Variants in TMEM223 observed in about 807,000 individuals in gnomAD.
TMEM223 encodes the protein transmembrane protein 223.
A neutral mutation model predicts 14.1 loss-of-function variants in TMEM223; 14 were observed. That is an observed-to-expected ratio of 0.99 (90% confidence interval 0.66 to 1.55). The LOEUF (loss-of-function observed/expected upper bound fraction) is 1.55. TMEM223 is among the 40% of genes most tolerant of loss of function. The pLI, the probability that TMEM223 is intolerant of heterozygous loss-of-function variation, is 0.00. For synonymous variants in TMEM223, 145 were observed against 120.5 expected, an observed-to-expected ratio of 1.20 and a Z score of -1.33; for missense variants, 346 against 269.9, an observed-to-expected ratio of 1.28 and a Z score of -1.97.
downstream of TMEM223, among the ~76,000 whole-genome samples, chr11:62,785,117 C>T (rs1220254147): frequency 4.0e-5 from 6 of 151,884 alleles, no homozygotes; most frequent in East Asian, 5.8e-4. Flanking sequence ...GGATTACAAG[C>T]GTGAGGCACT....
At chr11:62,776,373 C>A in intron 1 of TMEM223, 5 of 1,612,984 alleles carry the variant, frequency 3.1e-6, no homozygotes, top group South Asian at 1.1e-5. Context: ...CTTTTGTTCC[C>A]TCCCTCCCAG....
chr11:62,782,788 AT>A, downstream of TMEM223: 1 of 1,613,772 alleles, frequency 6.2e-7, no homozygotes, highest in Non-Finnish European at 8.5e-7. Context: ...TGCTGCCACT[AT>A]GGAGCCGTGG....
Position 62,790,137 on chromosome 11 carries a change from TTA to T in TMEM223, c.*484_*485del. The T allele has an allele frequency of 7.1e-7, 1 of 1,401,070 alleles. No individual in the cohort carries two copies. The highest frequency in any genetic ancestry group is 9.4e-7 in the Non-Finnish European group (1 of 1,061,976). 86.8% of individuals were successfully genotyped at this position (1,401,070 alleles called of 1,614,324 possible). ...CAAGGCCCTGTTTATGTTGGGAGTC[TTA>T]GTTTTCCTTTCGTTGGGGGGTGGGG... On this transcript the variant is annotated 3_prime_UTR_variant, in exon 2 of 2. Transcript: ENST00000307366.
At chr11:62,775,978 C>T (rs1389034700) in intron 1 of TMEM223, 1 of 1,562,582 alleles carries the variant, frequency 6.4e-7, no homozygotes, top group Non-Finnish European at 8.7e-7. Context: ...TTGTTTCTGC[C>T]TTTTTACTAA....
At chr11:62,787,132 G>A, downstream of TMEM223, 1 of 1,561,928 alleles carries the variant, frequency 6.4e-7, no homozygotes, top group Non-Finnish European at 8.6e-7. Flanking sequence ...CGGGCGGCAG[G>A]CTGGGAGGCG....
downstream of TMEM223, among the ~76,000 whole-genome samples, chr11:62,785,305 C>T (rs1011705005): frequency 5.9e-5 from 9 of 151,914 alleles, no homozygotes; most frequent in African/African-American, 2.2e-4. Flanking sequence ...GATTCTCCTG[C>T]TTCAGCCTCC....
At chr11:62,787,487 T>C (rs759592608), downstream of TMEM223, 4 of 1,579,532 alleles carry the variant, frequency 2.5e-6, no homozygotes, top group Non-Finnish European at 3.4e-6. Context: ...GCCGCCTTCC[T>C]GTGCGGGGCC....
At chr11:62,784,373 T>C (rs1407402585), downstream of TMEM223, among the ~76,000 whole-genome samples, 5 of 149,212 alleles carry the variant, frequency 3.4e-5, no homozygotes, top group Non-Finnish European at 7.4e-5. Context: ...GGCGCCATCT[T>C]GGCTAACTGC....
intron 1 of TMEM223, among the ~76,000 whole-genome samples, chr11:62,777,782 G>A (rs2084197779): frequency 6.6e-6 from 1 of 152,198 alleles, no homozygotes; most frequent in Non-Finnish European, 1.5e-5. Flanking sequence ...TCTTTCCCTT[G>A]ACCCAGGGAG....
At chr11:62,773,988 C>T (rs1316709971) in intron 2 of TMEM223, among the ~76,000 whole-genome samples, 1 of 152,022 alleles carries the variant, frequency 6.6e-6, no homozygotes, top group East Asian at 1.9e-4. Flanking sequence ...GAATACAGAA[C>T]ACAAGAAAGT....
intron 1 of TMEM223, chr11:62,781,641 C>T (rs529531539): frequency 5.7e-4 from 202 of 353,752 alleles, no homozygotes; most frequent in Middle Eastern, 9.5e-4. Flanking sequence ...TGCCACTGGG[C>T]GACAGAGCGA....
chr11:62,782,043 A>C (rs1159195915), intron 1 of TMEM223: 1 of 1,593,394 alleles, frequency 6.3e-7, no homozygotes, highest in Non-Finnish European at 8.6e-7. Flanking sequence ...GCTCATGGCA[A>C]GTGCTGTCAG....
At chr11:62,780,964 G>A (rs985219278) in intron 1 of TMEM223, among the ~76,000 whole-genome samples, 4 of 146,978 alleles carry the variant, frequency 2.7e-5, no homozygotes, top group Non-Finnish European at 4.5e-5. Context: ...GGCCGGGCAC[G>A]GTGGCTAACG....
At chr11:62,771,544 TACTC>T (rs997696464), downstream of TMEM223, 10 of 159,434 alleles carry the variant, frequency 6.3e-5, no homozygotes, top group African/African-American at 2.4e-4. Flanking sequence ...GCCGACTGCT[TACTC>T]ACCAGTCTTG....
chr11:62,787,431 C>T (rs1204165602), downstream of TMEM223: 13 of 1,563,730 alleles, frequency 8.3e-6, no homozygotes, highest in African/African-American at 1.4e-5. Flanking sequence ...GTCAGGGCGC[C>T]ATGGCGCTGT....
downstream of TMEM223, among the ~76,000 whole-genome samples, chr11:62,788,763 G>C (rs1320638868): frequency 3.3e-5 from 5 of 151,622 alleles, no homozygotes; most frequent in Non-Finnish European, 5.9e-5. Flanking sequence ...TCTGCACAGA[G>C]ACCATAACTT....
chr11:62,787,353 A>G (rs751821951), downstream of TMEM223: 552 of 1,535,362 alleles, frequency 3.6e-4, no homozygotes, highest in Non-Finnish European at 3.8e-4. Flanking sequence ...TGACGTCTCC[A>G]CCTTCGTGGG....
intron 1 of TMEM223, chr11:62,776,333 T>C: frequency 1.9e-6 from 3 of 1,592,558 alleles, no homozygotes; most frequent in Non-Finnish European, 2.6e-6. Context: ...GGGTTTCCCA[T>C]GCCCCCTGCT....
At chr11:62,787,407 G>C (rs1384141556), downstream of TMEM223, 1 of 1,555,208 alleles carries the variant, frequency 6.4e-7, no homozygotes. Flanking sequence ...CTGCTGCAGC[G>C]GCGCTTCCTG....
Sources: allele counts gnomAD v4.1 joint callset (sites outside exome capture counted in the v4.1 genomes callset), GRCh38; gene constraint gnomAD v4.1.1; transcripts MANE v1.5; gene names NCBI Gene and HGNC (gene_info 2026-07-23, HGNC 2026-07-21).